The following SOX6 variants were observed in gnomAD, a reference collection of about 807,000 sequenced individuals.
The protein encoded by SOX6 is transcription factor SOX-6.
Under a neutral mutation model 97.8 loss-of-function variants are expected in SOX6, and 11 were observed. That is an observed-to-expected ratio of 0.11 (90% CI 0.07 to 0.19). The LOEUF is 0.19. Ranked by LOEUF, SOX6 falls within the 10% of genes least tolerant of loss-of-function variation. The pLI is 1.00. For missense variants in SOX6, 810 were observed against 1,039.5 expected, an observed-to-expected ratio of 0.78 and a Z score of 3.04; for synonymous variants, 360 against 371.4, an observed-to-expected ratio of 0.97 and a Z score of 0.35.
At chr11:16,360,314 T>G (rs1857178441), upstream of SOX6, among the ~76,000 whole-genome samples, 1 of 152,156 alleles carries the variant, frequency 6.6e-6, no homozygotes, top group Non-Finnish European at 1.5e-5. Context: ...TTTCCTTCCC[T>G]ACAGAACTCT....
intron 1 of SOX6, among the ~76,000 whole-genome samples, chr11:16,437,278 T>A (rs1429980614): frequency 6.6e-6 from 1 of 151,252 alleles, no homozygotes; most frequent in Non-Finnish European, 1.5e-5. Context: ...CTATTTTTTT[T>A]TTTTAAAAAA....
At chr11:16,165,296 A>C (rs1939131727) in intron 6 of SOX6, among the ~76,000 whole-genome samples, 1 of 152,210 alleles carries the variant, frequency 6.6e-6, no homozygotes, top group African/African-American at 2.4e-5. Flanking sequence ...TATTGCTCAA[A>C]TGTCTCTCTT....
At chr11:16,688,631 T>G (rs1172144601) in intron 3 of SOX6, among the ~76,000 whole-genome samples, 1 of 152,254 alleles carries the variant, frequency 6.6e-6, no homozygotes. Flanking sequence ...TCGTTTTTTA[T>G]ATCTTCCATG....
At chr11:16,175,914 T>G (rs1327385873) in intron 6 of SOX6, among the ~76,000 whole-genome samples, 2 of 151,950 alleles carry the variant, frequency 1.3e-5, no homozygotes, top group Non-Finnish European at 2.9e-5. Context: ...CTAACTAAAT[T>G]TATTTAAATT....
chr11:16,192,942 T>G (rs1851669723), intron 4 of SOX6, among the ~76,000 whole-genome samples: 1 of 152,110 alleles, frequency 6.6e-6, no homozygotes, highest in Non-Finnish European at 1.5e-5. Context: ...GCAGGGCACT[T>G]TACTAAATGG....
At chr11:16,695,922 G>T (rs1848050443) in intron 3 of SOX6, among the ~76,000 whole-genome samples, 1 of 152,084 alleles carries the variant, frequency 6.6e-6, no homozygotes, top group African/African-American at 2.4e-5. Context: ...CAGGAGAATT[G>T]CTTGAACCTG....
At chr11:16,442,214 C>G (rs972043421) in intron 1 of SOX6, among the ~76,000 whole-genome samples, 1 of 152,178 alleles carries the variant, frequency 6.6e-6, no homozygotes, top group Non-Finnish European at 1.5e-5. Flanking sequence ...ACTTGTAAAG[C>G]ACATCATGCT....
Position 16,010,625 on chromosome 11 carries a change from A to G in SOX6, c.1732+4317T>C, listed in dbSNP as rs141436632. ...ATAAGAGAAAAAAGAAACAGGATGGAAAGAATATATTTAAAAAGCCAAGTC... is the reference window on the plus strand; with the variant it reads ...ATAAGAGAAAAAAGAAACAGGATGGGAAGAATATATTTAAAAAGCCAAGTC... On this transcript the variant is annotated intron_variant, in intron 13 of 15. Coordinates refer to ENST00000683767, the MANE Select transcript of SOX6 (RefSeq NM_001367873.1). Among the ~76,000 whole-genome samples, 139 of 152,216 alleles carry G rather than the reference A, an allele frequency of 9.1e-4. 1 individual carries two copies. In the East Asian group the frequency reaches 0.016, roughly 18 times the overall value.
intron 3 of SOX6, among the ~76,000 whole-genome samples, chr11:16,707,727 T>C (rs1183810580): frequency 6.6e-6 from 1 of 152,112 alleles, no homozygotes; most frequent in Non-Finnish European, 1.5e-5. Context: ...ATGAGTGAAA[T>C]AGAAAACCTT....
chr11:16,017,730 CT>C (rs1421915972), intron 12 of SOX6, among the ~76,000 whole-genome samples: 1 of 152,080 alleles, frequency 6.6e-6, no homozygotes, highest in East Asian at 1.9e-4. Context: ...GCTTAAACTT[CT>C]GTCATTAAGC....
intron 13 of SOX6, among the ~76,000 whole-genome samples, chr11:16,003,894 T>C (rs1437057901): frequency 1.3e-5 from 2 of 152,002 alleles, no homozygotes; most frequent in African/African-American, 4.8e-5. Context: ...AGTTCTGAGA[T>C]GCCAGCCTCC....
intron 12 of SOX6, among the ~76,000 whole-genome samples, chr11:16,038,995 G>A (rs1259357681): frequency 6.6e-6 from 1 of 152,086 alleles, no homozygotes. Context: ...TTATGTTGTA[G>A]AAATACTGTG....
At chr11:16,730,285 G>A (rs1848339773) in intron 2 of SOX6, among the ~76,000 whole-genome samples, 1 of 152,012 alleles carries the variant, frequency 6.6e-6, no homozygotes, top group Non-Finnish European at 1.5e-5. Flanking sequence ...CAAATCAACA[G>A]AACATACATT....
intron 15 of SOX6, among the ~76,000 whole-genome samples, chr11:15,978,182 C>T (rs898837007): frequency 7.2e-5 from 11 of 152,058 alleles, no homozygotes; most frequent in African/African-American, 2.4e-4. Context: ...AAACCTCTCT[C>T]GGCACATCTC....
chr11:16,051,780 G>T (rs1206767882), intron 10 of SOX6, among the ~76,000 whole-genome samples: 1 of 152,078 alleles, frequency 6.6e-6, no homozygotes, highest in East Asian at 1.9e-4. Context: ...AACATTTTCA[G>T]TAATTACTTC....
At chr11:16,603,238 G>A (rs753509459) in intron 4 of SOX6, among the ~76,000 whole-genome samples, 5 of 152,172 alleles carry the variant, frequency 3.3e-5, no homozygotes, top group African/African-American at 4.8e-5. Context: ...CAGGGTAACA[G>A]AGGGAAAGTC....
intron 13 of SOX6, among the ~76,000 whole-genome samples, chr11:16,004,029 C>T (rs956212084): frequency 1.1e-4 from 16 of 151,112 alleles, no homozygotes; most frequent in Non-Finnish European, 2.1e-4. Context: ...TATATATATA[C>T]ACACACACAT....
intron 1 of SOX6, among the ~76,000 whole-genome samples, chr11:16,351,124 A>C (rs1753692360): frequency 6.6e-6 from 1 of 152,142 alleles, no homozygotes; most frequent in African/African-American, 2.4e-5. Flanking sequence ...ACTGTTAAGT[A>C]TTTATACCAA....
intron 9 of SOX6, among the ~76,000 whole-genome samples, chr11:16,093,892 A>G (rs1047306787): frequency 6.6e-6 from 1 of 151,946 alleles, no homozygotes; most frequent in Non-Finnish European, 1.5e-5. Context: ...CTACTATGCT[A>G]TTCACAGATG....
Sources: allele counts gnomAD v4.1 joint callset (sites outside exome capture counted in the v4.1 genomes callset), GRCh38; gene constraint gnomAD v4.1.1; transcripts MANE v1.5; gene names NCBI Gene and HGNC (gene_info 2026-07-23, HGNC 2026-07-21).